NAV3: variants seen among roughly 807,000 people sequenced by gnomAD.
The protein encoded by NAV3 is neuron navigator 3.
Under a neutral mutation model 244.7 loss-of-function variants are expected in NAV3, and 87 were observed. The observed-to-expected ratio is 0.36, with a 90% confidence interval of 0.30 to 0.42. The LOEUF (loss-of-function observed/expected upper bound fraction) is 0.42. NAV3 is among the 20% of genes least tolerant of loss of function. The pLI is 1.00. For missense variants in NAV3, 2,663 were observed against 2,893.3 expected (o/e 0.92, Z 1.83); for synonymous variants, 1,126 against 1,042.2 (o/e 1.08, Z -1.55).
At chr12:77,737,758 T>A (rs1303456647) in intron 2 of NAV3, among the ~76,000 whole-genome samples, 2 of 152,232 alleles carry the variant, frequency 1.3e-5, no homozygotes, top group African/African-American at 4.8e-5. Context: ...TTTCAACAGT[T>A]GGTCTACCTT....
At chr12:77,687,302 TATTATTTCATTATTTGGAC>T (rs11270359) in intron 2 of NAV3, among the ~76,000 whole-genome samples, 137,776 of 152,006 alleles carry the variant, frequency 0.91, 62,751 homozygotes, top group East Asian at 1. Context: ...TTATTAGGAG[TATTATTTCATTATTTGGAC>T]ACACTATGTG....
At chr12:77,899,872 CTTTA>C (rs1477011454) in intron 1 of NAV3, among the ~76,000 whole-genome samples, 4 of 152,036 alleles carry the variant, frequency 2.6e-5, no homozygotes, top group Admixed American at 6.6e-5. Flanking sequence ...TGCGCTAGCA[CTTTA>C]TTTATTAATC....
intron 2 of NAV3, among the ~76,000 whole-genome samples, chr12:77,615,820 C>A (rs1156488752): frequency 3.3e-5 from 5 of 152,078 alleles, no homozygotes; most frequent in African/African-American, 1.2e-4. Flanking sequence ...TTAATTTTTT[C>A]TTCTCCAATT....
chr12:78,103,360 C>T (rs1230773608), intron 12 of NAV3, among the ~76,000 whole-genome samples: 1 of 152,164 alleles, frequency 6.6e-6, no homozygotes, highest in Non-Finnish European at 1.5e-5. Context: ...CAACCTCAGC[C>T]TGGTCCTTAT....
At chr12:78,048,564 A>AT (rs1228470461) in intron 9 of NAV3, among the ~76,000 whole-genome samples, 1 of 152,160 alleles carries the variant, frequency 6.6e-6, no homozygotes, top group Non-Finnish European at 1.5e-5. Flanking sequence ...AACAGCAAAG[A>AT]TTGCTGCCTC....
At chr12:78,121,669 A>C (rs1276126795) in intron 15 of NAV3, among the ~76,000 whole-genome samples, 1 of 151,930 alleles carries the variant, frequency 6.6e-6, no homozygotes, top group Non-Finnish European at 1.5e-5. Flanking sequence ...AATTATGAAA[A>C]CCAGGGGTTT....
intron 1 of NAV3, among the ~76,000 whole-genome samples, chr12:77,917,939 A>T (rs1044756226): frequency 1.3e-5 from 2 of 152,050 alleles, no homozygotes; most frequent in Non-Finnish European, 2.9e-5. Flanking sequence ...ATAATTGATA[A>T]CTTCTCTTCT....
intron 1 of NAV3, among the ~76,000 whole-genome samples, chr12:77,916,231 A>G (rs557456063): frequency 4.6e-4 from 70 of 152,202 alleles, no homozygotes; most frequent in Admixed American, 8.5e-4. Context: ...AATGTTTTAA[A>G]TAACAAAACA....
intron 9 of NAV3, among the ~76,000 whole-genome samples, chr12:78,032,183 CA>C (rs1879113799): frequency 6.6e-6 from 1 of 152,150 alleles, no homozygotes; most frequent in African/African-American, 2.4e-5. Flanking sequence ...GCATGACCCA[CA>C]GGATGTATGA....
intron 2 of NAV3, among the ~76,000 whole-genome samples, chr12:77,617,893 A>G (rs1012992487): frequency 3.9e-5 from 6 of 152,220 alleles, no homozygotes; most frequent in Non-Finnish European, 8.8e-5. Context: ...TTTTCAAGTC[A>G]TTATCTACAG....
At chr12:78,063,403 C>A (rs1311519965) in intron 12 of NAV3, among the ~76,000 whole-genome samples, 1 of 152,100 alleles carries the variant, frequency 6.6e-6, no homozygotes, top group Non-Finnish European at 1.5e-5. Flanking sequence ...TTTTTGGGGA[C>A]TGCAGGATGA....
At chr12:78,015,788 G>A (rs1876095911) in intron 8 of NAV3, among the ~76,000 whole-genome samples, 1 of 152,060 alleles carries the variant, frequency 6.6e-6, no homozygotes, top group South Asian at 2.1e-4. Context: ...AATTAATAAT[G>A]TGCAAAAAAT....
chr12:77,942,989 A>G (rs2137516123), intron 3 of NAV3, among the ~76,000 whole-genome samples: 1 of 152,164 alleles, frequency 6.6e-6, no homozygotes, highest in East Asian at 1.9e-4. Flanking sequence ...AAGTCTAGAA[A>G]CTCTTACCTA....
At chr12:77,994,755 T>C (rs1220348832) in intron 5 of NAV3, 48 bp from the exon 6 acceptor site, 2 of 1,457,330 alleles carry the variant, frequency 1.4e-6, no homozygotes, top group East Asian at 2.3e-5. Flanking sequence ...TTTCCTTCCA[T>C]GTTCAAAGAA....
chr12:77,867,318 A>G (rs895894012), intron 1 of NAV3, among the ~76,000 whole-genome samples: 4 of 152,142 alleles, frequency 2.6e-5, no homozygotes, highest in African/African-American at 9.7e-5. Context: ...GCCTTCTGCC[A>G]TGATTGTGAG....
intron 12 of NAV3, among the ~76,000 whole-genome samples, chr12:78,103,213 C>A (rs1483505014): frequency 6.6e-6 from 1 of 152,174 alleles, no homozygotes; most frequent in Non-Finnish European, 1.5e-5. Flanking sequence ...CTGTCAGATA[C>A]CCTAAATCAT....
chr12:78,188,050 A>G (rs1435927093), intron 31 of NAV3, among the ~76,000 whole-genome samples, 198 bp from the exon 32 acceptor site: 1 of 151,400 alleles, frequency 6.6e-6, no homozygotes, highest in Non-Finnish European at 1.5e-5. Context: ...CTGTTACTTT[A>G]TTTGTTTGGT....
chr12:77,800,374 C>T (rs954799506), intron 2 of NAV3, among the ~76,000 whole-genome samples: 3 of 152,092 alleles, frequency 2.0e-5, no homozygotes, highest in Non-Finnish European at 2.9e-5. Context: ...GTCAGGCTGT[C>T]ATTGTAGGAA....
chr12:77,836,562 G>A (rs931387971), intron 1 of NAV3, among the ~76,000 whole-genome samples: 1 of 152,198 alleles, frequency 6.6e-6, no homozygotes, highest in African/African-American at 2.4e-5. Flanking sequence ...AATAAACAGA[G>A]AGAGTAGGAG....
Sources: allele counts gnomAD v4.1 joint callset (sites outside exome capture counted in the v4.1 genomes callset), GRCh38; gene constraint gnomAD v4.1.1; transcripts MANE v1.5; gene names NCBI Gene and HGNC (gene_info 2026-07-23, HGNC 2026-07-21).